SLC5A12: variants seen among roughly 807,000 people sequenced by gnomAD.
SLC5A12 encodes solute carrier family 5 member 12.
A neutral mutation model predicts 72.7 loss-of-function variants in SLC5A12; 46 were observed. The observed-to-expected ratio is 0.63, with a 90% CI of 0.50 to 0.81. The LOEUF (loss-of-function observed/expected upper bound fraction) is 0.81, where lower values mean the gene tolerates loss of function less well. SLC5A12 is among the 30% of genes least tolerant of loss of function. The pLI, the probability that SLC5A12 is intolerant of heterozygous loss-of-function variation, is 0.00. For missense variants in SLC5A12, 683 were observed against 740.7 expected (o/e 0.92, Z 0.90); for synonymous variants, 275 against 264.4 (o/e 1.04, Z -0.39).
At chr11:26,708,310 G>C (rs1329082509) in intron 4 of SLC5A12, among the ~76,000 whole-genome samples, 1 of 151,962 alleles carries the variant, frequency 6.6e-6, no homozygotes, top group Non-Finnish European at 1.5e-5. Context: ...GGTAAGAGGA[G>C]CAAGAGTCTA....
chr11:26,687,734 A>G (rs1380115071), intron 9 of SLC5A12, among the ~76,000 whole-genome samples: 1 of 152,216 alleles, frequency 6.6e-6, no homozygotes, highest in Non-Finnish European at 1.5e-5. Flanking sequence ...CTTTGAGGCT[A>G]TCTTTTCCAA....
intron 8 of SLC5A12, among the ~76,000 whole-genome samples, chr11:26,696,401 A>G (rs1854813932): frequency 1.3e-5 from 2 of 152,230 alleles, no homozygotes; most frequent in South Asian, 2.1e-4. Context: ...GATGAGATCA[A>G]TGGAATGCAA....
chr11:26,692,644 G>A (rs1206025243), intron 8 of SLC5A12, 43 bp from the exon 9 acceptor site: 18 of 1,432,872 alleles, frequency 1.3e-5, no homozygotes, highest in Non-Finnish European at 1.8e-5. Flanking sequence ...AGCTATATAA[G>A]GCGGAGCTAC....
intron 9 of SLC5A12, among the ~76,000 whole-genome samples, chr11:26,687,729 A>T (rs1038076380): frequency 1.3e-5 from 2 of 152,312 alleles, no homozygotes; most frequent in Admixed American, 1.3e-4. Context: ...GTCATCTTTG[A>T]GGCTATCTTT....
At chr11:26,711,220 C>T in intron 3 of SLC5A12, 87 bp downstream of exon 3, 1 of 1,115,416 alleles carries the variant, frequency 9.0e-7, no homozygotes, top group Non-Finnish European at 1.3e-6. Context: ...AATATCTCCC[C>T]AACAAAGTAT....
intron 4 of SLC5A12, among the ~76,000 whole-genome samples, chr11:26,705,898 G>A (rs1196360401): frequency 2.0e-5 from 3 of 149,198 alleles, no homozygotes; most frequent in East Asian, 2.0e-4. Context: ...CCTTCATACA[G>A]CGAGTCCTCA....
intron 11 of SLC5A12, among the ~76,000 whole-genome samples, chr11:26,681,470 GC>G (rs1423368090): frequency 6.6e-6 from 1 of 152,116 alleles, no homozygotes; most frequent in Non-Finnish European, 1.5e-5. Context: ...TAGATTTCTA[GC>G]AATAATTATT....
Position 26,711,787 on chromosome 11 carries a change from TAGAA to T in SLC5A12, c.406-433_406-430del, listed in dbSNP as rs767553342. On this transcript the variant is annotated intron_variant, in intron 2 of 14. Coordinates refer to ENST00000396005, the MANE Select transcript of SLC5A12 (RefSeq NM_178498.4). The stretch of plus-strand genomic sequence containing the variant: ...TGAAATATGGAATTTAGAGGTGAGA[TAGAA>T]AGAATCTGTGAGGAGAAAGTACTGT... 9.1e-4 allele frequency among the ~76,000 whole-genome samples: 139 copies of T among 152,134 alleles called. 1 individual carries two copies. The highest frequency in any genetic ancestry group is 1.6e-3 in the Non-Finnish European group (111 of 67,986).
intron 1 of SLC5A12, among the ~76,000 whole-genome samples, chr11:26,713,641 A>G (rs1448691192): frequency 3.9e-5 from 6 of 152,208 alleles, no homozygotes; most frequent in Non-Finnish European, 8.8e-5. Flanking sequence ...AGACTTTTTC[A>G]TGGTTATCAG....
chr11:26,699,738 T>G (rs1854914061), intron 6 of SLC5A12, among the ~76,000 whole-genome samples: 1 of 152,202 alleles, frequency 6.6e-6, no homozygotes, highest in Non-Finnish European at 1.5e-5. Flanking sequence ...TGCTCATCCT[T>G]ATTTGTAACA....
chr11:26,692,650 G>T, intron 8 of SLC5A12, 49 bp from the exon 9 acceptor site: 1 of 1,339,596 alleles, frequency 7.5e-7, no homozygotes, highest in Non-Finnish European at 1.1e-6. Context: ...ATAAGGCGGA[G>T]CTACCAGCCT....
intron 13 of SLC5A12, among the ~76,000 whole-genome samples, chr11:26,673,766 C>T (rs1451460264): frequency 6.6e-6 from 1 of 152,034 alleles, no homozygotes; most frequent in Non-Finnish European, 1.5e-5. Context: ...CAGAGACAAC[C>T]TATTTATTTT....
In SLC5A12 at chr11:26,686,465, T is replaced by G; in HGVS notation, c.1221+12A>C. 1.2e-6 allele frequency: 2 copies of G among 1,613,534 alleles called. No individual in the cohort carries two copies. The highest frequency in any genetic ancestry group is 1.7e-6 in the Non-Finnish European group (2 of 1,179,566). ...CAGTGAAACCAAATGTGTCTTTTCC[T>G]TCTTTCGTTACCTGCACAACACCTC... On this transcript the variant is annotated intron_variant, in intron 10 of 14. Coordinates refer to ENST00000396005, the MANE Select transcript of SLC5A12 (RefSeq NM_178498.4).
chr11:26,714,519 T>C (rs911678876), intron 1 of SLC5A12, among the ~76,000 whole-genome samples: 10 of 152,188 alleles, frequency 6.6e-5, no homozygotes, highest in Non-Finnish European at 1.3e-4. Context: ...TCTCAGTAAG[T>C]ATTCTAGAAG....
At chr11:26,713,273 A>T (rs1410050069) in intron 1 of SLC5A12, among the ~76,000 whole-genome samples, 1 of 152,114 alleles carries the variant, frequency 6.6e-6, no homozygotes, top group Non-Finnish European at 1.5e-5. Flanking sequence ...CCATTGTCGG[A>T]TCCACGCCCT....
At chr11:26,717,751 T>C (rs920427912) in intron 1 of SLC5A12, among the ~76,000 whole-genome samples, 9 of 152,196 alleles carry the variant, frequency 5.9e-5, no homozygotes, top group African/African-American at 1.2e-4. Flanking sequence ...AGGACTTTCA[T>C]GTAGCTTCAG....
At chr11:26,679,566 C>A (rs188306160) in intron 12 of SLC5A12, among the ~76,000 whole-genome samples, 33 of 152,060 alleles carry the variant, frequency 2.2e-4, no homozygotes, top group African/African-American at 7.5e-4. Flanking sequence ...ATAGGAGACA[C>A]TAGTATGGCT....
chr11:26,710,600 A>C (rs890572040), intron 3 of SLC5A12, among the ~76,000 whole-genome samples: 1 of 152,046 alleles, frequency 6.6e-6, no homozygotes, highest in Non-Finnish European at 1.5e-5. Flanking sequence ...ATTACCAGTG[A>C]TCTTTGACTT....
intron 9 of SLC5A12, among the ~76,000 whole-genome samples, chr11:26,688,524 A>T (rs1277136465): frequency 6.6e-6 from 1 of 152,226 alleles, no homozygotes; most frequent in Admixed American, 6.5e-5. Context: ...AAGAAAGGAA[A>T]TATAGAATAC....
Sources: allele counts gnomAD v4.1 joint callset (sites outside exome capture counted in the v4.1 genomes callset), GRCh38; gene constraint gnomAD v4.1.1; transcripts MANE v1.5; gene names NCBI Gene and HGNC (gene_info 2026-07-23, HGNC 2026-07-21).